MEI4: variants seen among roughly 807,000 people sequenced by gnomAD.
MEI4 encodes meiotic double-stranded break formation protein 4.
In MEI4, 27 loss-of-function variants were observed where a neutral mutation model predicts 31.4. The observed-to-expected ratio is 0.86, with a 90% confidence interval of 0.63 to 1.19. The LOEUF is 1.19. Among genes scored for constraint, MEI4 ranks in the 50% most tolerant of loss-of-function variants. MEI4 has a pLI of 0.00. For synonymous variants in MEI4, 122 were observed against 145.4 expected (o/e 0.84, Z 1.16); for missense variants, 329 against 398.9 (o/e 0.82, Z 1.49).
intron 4 of MEI4, 31 bp downstream of exon 4, chr6:77,829,093 A>G: frequency 2.5e-6 from 3 of 1,224,142 alleles, no homozygotes; most frequent in Non-Finnish European, 3.1e-6. Context: ...TAGTTCTCAT[A>G]TATAGTTATT....
intron 3 of MEI4, among the ~76,000 whole-genome samples, chr6:77,784,748 C>T (rs933442927): frequency 1.3e-5 from 2 of 151,992 alleles, no homozygotes; most frequent in African/African-American, 2.4e-5. Context: ...TTGACTTGCC[C>T]GGAGTTGGTT....
chr6:77,802,848 G>T (rs1188554403), intron 3 of MEI4, among the ~76,000 whole-genome samples: 7 of 152,216 alleles, frequency 4.6e-5, no homozygotes, highest in Admixed American at 4.6e-4. Context: ...TCAGCTGTTA[G>T]TCTGATGGGC....
At chr6:77,922,542 C>CCAT (rs1198723967) in intron 4 of MEI4, among the ~76,000 whole-genome samples, 1 of 151,656 alleles carries the variant, frequency 6.6e-6, no homozygotes, top group Non-Finnish European at 1.5e-5. Context: ...TCACATTCAA[C>CCAT]CATCTAGTCC....
intron 4 of MEI4, among the ~76,000 whole-genome samples, chr6:77,898,270 C>T (rs1204986737): frequency 1.3e-5 from 2 of 151,988 alleles, no homozygotes; most frequent in African/African-American, 4.8e-5. Context: ...GCCTTCTTTA[C>T]TTTCTACTAA....
At chr6:77,682,272 T>C (rs1457525712) in intron 1 of MEI4, among the ~76,000 whole-genome samples, 1 of 152,238 alleles carries the variant, frequency 6.6e-6, no homozygotes, top group East Asian at 1.9e-4. Context: ...TCCTTCAGTT[T>C]CTTGCTTTCT....
chr6:77,805,806 C>G (rs969926556), intron 3 of MEI4, among the ~76,000 whole-genome samples: 1 of 151,738 alleles, frequency 6.6e-6, no homozygotes, highest in African/African-American at 2.4e-5. Context: ...TCCCTTAGAA[C>G]AGAAAAATAA....
chr6:77,883,872 C>T (rs1412566283), intron 4 of MEI4, among the ~76,000 whole-genome samples: 2 of 150,948 alleles, frequency 1.3e-5, no homozygotes, highest in Admixed American at 6.6e-5. Flanking sequence ...TTTCCTTTCT[C>T]GGATAAATAC....
intron 1 of MEI4, among the ~76,000 whole-genome samples, chr6:77,659,340 G>C (rs1193275135): frequency 6.6e-6 from 1 of 152,138 alleles, no homozygotes; most frequent in Non-Finnish European, 1.5e-5. Context: ...GACACATGTA[G>C]GTAGAGGATC....
intron 3 of MEI4, among the ~76,000 whole-genome samples, chr6:77,821,392 T>C (rs1399332372): frequency 6.6e-6 from 1 of 152,186 alleles, no homozygotes; most frequent in Non-Finnish European, 1.5e-5. Flanking sequence ...TGTATTTGCA[T>C]CTTGCAGTTG....
intron 1 of MEI4, among the ~76,000 whole-genome samples, chr6:77,682,167 A>G (rs1768970788): frequency 6.6e-6 from 1 of 152,182 alleles, no homozygotes; most frequent in African/African-American, 2.4e-5. Flanking sequence ...TGATAAATGC[A>G]TATTTCACCA....
intron 2 of MEI4, among the ~76,000 whole-genome samples, chr6:77,735,795 C>T (rs925448586): frequency 3.9e-5 from 6 of 151,958 alleles, no homozygotes; most frequent in African/African-American, 2.4e-5. Flanking sequence ...ATGATGGTGA[C>T]GTACAGATGG....
intron 1 of MEI4, among the ~76,000 whole-genome samples, chr6:77,658,486 TAAAAC>T (rs1768440638): frequency 6.6e-6 from 1 of 151,916 alleles, no homozygotes; most frequent in Non-Finnish European, 1.5e-5. Flanking sequence ...ATAAGAAAAA[TAAAAC>T]AAAATAGTGT....
Position 77,761,552 on chromosome 6 carries a change from C to A in MEI4, c.655C>A (p.Leu219Met). The A allele has an allele frequency of 8.1e-7, 1 of 1,232,036 alleles. No individual in the cohort carries two copies. Among genetic ancestry groups the A allele is most frequent in the South Asian group, 4.1e-5 (1 of 24,310 alleles). The allele number at this position is 1,232,036 out of a possible 1,614,324, so 76.3% of individuals were successfully genotyped here. Residue 219 changes from leucine (L) to methionine (M), a missense_variant, in exon 3 of 5, where the codon CTG (leucine) becomes ATG (methionine). Coordinates refer to ENST00000684080, the MANE Select transcript of MEI4 (RefSeq NM_001322247.2). Reference sequence around the variant, plus strand: ...AGAAGCTGTTGGTACTTTAGCTAGTCTGATCAGTGACTATAACTTATCTAG... The same window carrying A: ...AGAAGCTGTTGGTACTTTAGCTAGTATGATCAGTGACTATAACTTATCTAG... ...WTEAVGTLAS[L>M]ISDYNLSSHI...
At chr6:77,906,467 A>C (rs561196268) in intron 4 of MEI4, among the ~76,000 whole-genome samples, 1 of 152,278 alleles carries the variant, frequency 6.6e-6, no homozygotes, top group East Asian at 1.9e-4. Flanking sequence ...GATTGCATGT[A>C]TCCTTAGCAG....
At chr6:77,768,635 G>A (rs957375941) in intron 3 of MEI4, among the ~76,000 whole-genome samples, 4 of 151,778 alleles carry the variant, frequency 2.6e-5, no homozygotes, top group Admixed American at 2.6e-4. Flanking sequence ...GGGAGGCAGA[G>A]GTTGCAGTGA....
At chr6:77,755,086 T>C (rs1767879572) in intron 2 of MEI4, among the ~76,000 whole-genome samples, 1 of 152,048 alleles carries the variant, frequency 6.6e-6, no homozygotes, top group African/African-American at 2.4e-5. Flanking sequence ...ATTCCCGTGA[T>C]TTGGGAAGCT....
intron 2 of MEI4, among the ~76,000 whole-genome samples, chr6:77,753,129 G>A (rs1767823029): frequency 6.6e-6 from 1 of 152,088 alleles, no homozygotes; most frequent in Admixed American, 6.6e-5. Context: ...TTAAATGTAA[G>A]ACCTAAAACC....
At chr6:77,754,728 G>T (rs1767867947) in intron 2 of MEI4, among the ~76,000 whole-genome samples, 1 of 152,124 alleles carries the variant, frequency 6.6e-6, no homozygotes, top group South Asian at 2.1e-4. Flanking sequence ...CATGGCTGGG[G>T]TGGCCTCAGG....
chr6:77,783,142 A>G (rs567420653), intron 3 of MEI4, among the ~76,000 whole-genome samples: 2 of 152,260 alleles, frequency 1.3e-5, no homozygotes, highest in South Asian at 4.1e-4. Flanking sequence ...CTATTTGAAA[A>G]ATGGAGCCTT....
Sources: allele counts gnomAD v4.1 joint callset (sites outside exome capture counted in the v4.1 genomes callset), GRCh38; gene constraint gnomAD v4.1.1; transcripts MANE v1.5; gene names NCBI Gene and HGNC (gene_info 2026-07-23, HGNC 2026-07-21).